FRMD3: variants seen among roughly 807,000 people sequenced by gnomAD.
FRMD3 encodes the protein FERM domain containing 3.
Under a neutral mutation model 70.2 loss-of-function variants are expected in FRMD3, and 33 were observed. The ratio of observed to expected loss-of-function variants is 0.47; its 90% CI spans 0.36 to 0.63. The LOEUF is 0.63. Among genes scored for constraint, FRMD3 ranks in the 20% least tolerant of loss-of-function variants. FRMD3 has a pLI of 0.00. For synonymous variants in FRMD3, 279 were observed against 255.9 expected, an observed-to-expected ratio of 1.09 and a Z score of -0.86; for missense variants, 632 against 711.4, an observed-to-expected ratio of 0.89 and a Z score of 1.27.
intron 6 of FRMD3, among the ~76,000 whole-genome samples, chr9:83,330,515 T>C (rs1264620659): frequency 6.6e-6 from 1 of 152,152 alleles, no homozygotes; most frequent in African/African-American, 2.4e-5. Context: ...TACAAACAAA[T>C]ATGGCTCCTG....
rs1479882477 is a variant in FRMD3 at position 83,327,447 on chromosome 9, G to A, written c.596+8069C>T. Among the ~76,000 whole-genome samples the A allele has an allele frequency of 4.6e-5, 7 of 152,308 alleles. No homozygotes were observed. In the East Asian group the frequency reaches 1.4e-3, roughly 29 times the overall value. On this transcript the variant is annotated intron_variant, in intron 6 of 13. Coordinates refer to ENST00000304195, the MANE Select transcript of FRMD3 (RefSeq NM_174938.6). ...ATTCATGTGGAATGTGGGCTGGAGA[G>A]AGATTCCTTTGCTCTTCAGTGTCAT... is the stretch of plus-strand genomic sequence containing the variant.
chr9:83,285,760 T>G (rs1240636031), intron 13 of FRMD3, among the ~76,000 whole-genome samples: 4 of 152,242 alleles, frequency 2.6e-5, no homozygotes, highest in African/African-American at 9.6e-5. Context: ...GCTTGTGAAT[T>G]TATTCAGATT....
intron 13 of FRMD3, chr9:83,276,474 G>A (rs1021725096): frequency 2.0e-5 from 3 of 152,138 alleles, no homozygotes; most frequent in African/African-American, 7.2e-5. Flanking sequence ...AAGAAACAGG[G>A]CATCTGTGTC....
At chr9:83,585,106 G>T in the FRMD3 span, among the ~76,000 whole-genome samples, 1 of 152,098 alleles carries the variant, frequency 6.6e-6, no homozygotes, top group Non-Finnish European at 1.5e-5. Context: ...GCTATGTCTG[G>T]GTTGTAAACT....
At chr9:83,491,674 G>A (rs934121547) in intron 1 of FRMD3, among the ~76,000 whole-genome samples, 4 of 152,136 alleles carry the variant, frequency 2.6e-5, no homozygotes, top group Non-Finnish European at 4.4e-5. Flanking sequence ...GGGCCAGCAC[G>A]ATGGAAAAAG....
At chr9:83,394,252 A>T (rs905935035) in intron 1 of FRMD3, among the ~76,000 whole-genome samples, 1 of 152,120 alleles carries the variant, frequency 6.6e-6, no homozygotes, top group Non-Finnish European at 1.5e-5. Flanking sequence ...GTATGGCAGG[A>T]TACTTGGCAT....
chr9:83,457,694 A>AT lies in FRMD3; in HGVS notation c.148-67987dup, dbSNP rs1226614718. On this transcript the variant is annotated intron_variant, in intron 1 of 13. Transcript: ENST00000304195. Reference sequence around the variant, plus strand: ...CCACAAAGGCAATTTTTTTCTGAGTATTTTTTATCCGTGGTTGGTTGGCTC... The same window carrying AT: ...CCACAAAGGCAATTTTTTTCTGAGTATTTTTTTATCCGTGGTTGGTTGGCTC... Among the ~76,000 whole-genome samples the AT allele has an allele frequency of 3.3e-5, 5 of 152,156 alleles. 1 individual carries two copies. The highest frequency in any genetic ancestry group is 1.2e-4 in the African/African-American group (5 of 41,450).
intron 3 of FRMD3, among the ~76,000 whole-genome samples, chr9:83,355,992 C>A (rs1824323496): frequency 6.6e-6 from 1 of 152,094 alleles, no homozygotes; most frequent in Admixed American, 6.6e-5. Flanking sequence ...GCTCAGTGGC[C>A]CCTTTTGTGT....
intron 1 of FRMD3, among the ~76,000 whole-genome samples, chr9:83,474,773 A>G (rs976800337): frequency 6.6e-6 from 1 of 151,882 alleles, no homozygotes; most frequent in Non-Finnish European, 1.5e-5. Flanking sequence ...TCTCCCCACC[A>G]CCACCACTGA....
At chr9:83,425,564 G>A (rs566245943) in intron 1 of FRMD3, among the ~76,000 whole-genome samples, 2 of 152,286 alleles carry the variant, frequency 1.3e-5, no homozygotes, top group Non-Finnish European at 2.9e-5. Flanking sequence ...TCTGAAAGGA[G>A]AGGAAGCCAC....
intron 5 of FRMD3, among the ~76,000 whole-genome samples, chr9:83,338,420 T>A (rs1397640220): frequency 6.6e-6 from 1 of 151,980 alleles, no homozygotes; most frequent in Non-Finnish European, 1.5e-5. Flanking sequence ...ATGTTCAAGG[T>A]TTTTTTTATG....
At chr9:83,507,214 A>T (rs1420353862) in intron 1 of FRMD3, among the ~76,000 whole-genome samples, 1 of 151,924 alleles carries the variant, frequency 6.6e-6, no homozygotes, top group African/African-American at 2.4e-5. Flanking sequence ...TAAAAATACA[A>T]AAATTAGCTG....
chr9:83,380,364 G>A (rs1012987076), intron 2 of FRMD3, among the ~76,000 whole-genome samples: 1 of 152,136 alleles, frequency 6.6e-6, no homozygotes, highest in Non-Finnish European at 1.5e-5. Context: ...CTGTGATCTT[G>A]GTGGAGATGG....
At chr9:83,259,095 C>G (rs574163759) in intron 13 of FRMD3, among the ~76,000 whole-genome samples, 66 of 152,216 alleles carry the variant, frequency 4.3e-4, no homozygotes, top group Non-Finnish European at 7.5e-4. Context: ...GGGCTAGTGT[C>G]ATTTGATGGG....
intron 7 of FRMD3, among the ~76,000 whole-genome samples, chr9:83,312,722 G>A (rs1265683922): frequency 1.3e-5 from 2 of 152,142 alleles, no homozygotes; most frequent in South Asian, 2.1e-4. Flanking sequence ...CACCTGGGTA[G>A]CCTGGTCGCC....
chr9:83,543,814 T>C, the FRMD3 span, among the ~76,000 whole-genome samples: 655 of 152,338 alleles, frequency 4.3e-3, 6 homozygotes, highest in African/African-American at 0.015. Context: ...AACAGCGACA[T>C]GGGCACTGTG....
intron 1 of FRMD3, among the ~76,000 whole-genome samples, chr9:83,513,136 AC>A (rs1829376776): frequency 6.6e-6 from 1 of 152,206 alleles, no homozygotes; most frequent in Non-Finnish European, 1.5e-5. Context: ...AGAGCCTGAG[AC>A]AAAAACCCAA....
At position 83,528,538 on chromosome 9, in the gene FRMD3, AT is replaced by A. The variant is rs201079652; in HGVS notation, c.147+9546del. 1.4e-3 allele frequency among the ~76,000 whole-genome samples: 210 copies of A among 147,456 alleles called. 2 individuals are homozygous for A. The highest frequency in any genetic ancestry group is 4.6e-3 in the African/African-American group (187 of 40,404). On this transcript the variant is annotated intron_variant, in intron 1 of 13. Coordinates refer to ENST00000304195, the MANE Select transcript of FRMD3 (RefSeq NM_174938.6). ...AAATGGACAGTCACCTAAACCAGCAATTTTTTTTTTTGAGACAGGGCCTCAC... is the reference window on the plus strand; with the variant it reads ...AAATGGACAGTCACCTAAACCAGCAATTTTTTTTTTGAGACAGGGCCTCAC...
At position 83,360,089 on chromosome 9, in the gene FRMD3, CT is replaced by C. The variant is rs1160995970; in HGVS notation, c.296-10333del. Among the ~76,000 whole-genome samples the C allele has an allele frequency of 4.6e-5, 7 of 152,140 alleles. No homozygotes were observed. The East Asian group carries it at 1.3e-3, about 29-fold the overall frequency. On this transcript the variant is annotated intron_variant, in intron 3 of 13. Coordinates refer to ENST00000304195, the MANE Select transcript of FRMD3 (RefSeq NM_174938.6). ...GTATATGAAGAGATATTTGGCAGCC[CT>C]GGCATCTAAAGGACAGCTTTGCTGC... is the stretch of plus-strand genomic sequence containing the variant.
Sources: gnomAD v4.1 joint callset for allele counts (sites outside exome capture counted in the v4.1 genomes callset) on GRCh38, gnomAD v4.1.1 for gene constraint, MANE v1.5 for transcripts, NCBI Gene and HGNC (gene_info 2026-07-23, HGNC 2026-07-21) for gene names.